RNF19A: variants seen among roughly 807,000 people sequenced by gnomAD.
RNF19A encodes E3 ubiquitin-protein ligase RNF19A.
A neutral mutation model predicts 75.7 loss-of-function variants in RNF19A; 32 were observed. The ratio of observed to expected loss-of-function variants is 0.42; its 90% CI spans 0.32 to 0.57. The LOEUF (loss-of-function observed/expected upper bound fraction) is 0.57, where lower values mean the gene tolerates loss of function less well. Ranked by LOEUF, RNF19A falls within the 20% of genes least tolerant of loss-of-function variation. RNF19A has a pLI of 0.10. For synonymous variants in RNF19A, 335 were observed against 345.2 expected (o/e 0.97, Z 0.33); for missense variants, 782 against 1,036.3 (o/e 0.75, Z 3.37).
chr8:100,288,687 T>C (rs1483541630), intron 1 of RNF19A, among the ~76,000 whole-genome samples: 1 of 152,138 alleles, frequency 6.6e-6, no homozygotes, highest in Non-Finnish European at 1.5e-5. Flanking sequence ...TGACTTCTTA[T>C]AAAGTTACAG....
chr8:100,307,350 A>C (rs1264298162), intron 1 of RNF19A, among the ~76,000 whole-genome samples: 3 of 152,098 alleles, frequency 2.0e-5, no homozygotes, highest in Admixed American at 6.6e-5. Flanking sequence ...GGACTTTTAC[A>C]TGTTATCACA....
chr8:100,277,058 A>C (rs1820556784), intron 2 of RNF19A, among the ~76,000 whole-genome samples: 1 of 152,156 alleles, frequency 6.6e-6, no homozygotes, highest in South Asian at 2.1e-4. Flanking sequence ...TAAAACTTTC[A>C]ATTTAAAAAT....
At chr8:100,277,374 C>T (rs1586626727) in intron 2 of RNF19A, among the ~76,000 whole-genome samples, 2 of 151,996 alleles carry the variant, frequency 1.3e-5, no homozygotes, top group South Asian at 2.1e-4. Context: ...TGCAGTGGCG[C>T]GATCTCGGCT....
In RNF19A at chr8:100,329,145, G is replaced by A. The variant is rs918342774; in HGVS notation, c.-243+6963C>T. ...GTAGCTTACAGACACCAAAGTGTTCGTTCATCCAGAACTGCTGGCACAAAG... is the reference window on the plus strand; with the variant it reads ...GTAGCTTACAGACACCAAAGTGTTCATTCATCCAGAACTGCTGGCACAAAG... On this transcript the variant is annotated intron_variant, in intron 1 of 3. Transcript: ENST00000519527. The surrounding 1 kb of genome is among the most constrained non-coding windows in gnomAD (Gnocchi z 4.3). Among the ~76,000 whole-genome samples the A allele has an allele frequency of 7.2e-5, 11 of 152,140 alleles. No individual in the cohort carries two copies. The highest frequency in any genetic ancestry group is 2.4e-4 in the African/African-American group (10 of 41,402).
intron 2 of RNF19A, among the ~76,000 whole-genome samples, chr8:100,280,296 C>A (rs1820722156): frequency 6.6e-6 from 1 of 152,106 alleles, no homozygotes; most frequent in Non-Finnish European, 1.5e-5. Context: ...ATCCCCCAAA[C>A]TAGCAAATAA....
rs1462240666 is a variant in RNF19A at position 100,323,475 on chromosome 8, T to C, written c.-242-10103A>G. Among the ~76,000 whole-genome samples, 1 of 152,220 alleles carries C rather than the reference T, an allele frequency of 6.6e-6. No homozygotes were observed. Among genetic ancestry groups the C allele is most frequent in the Admixed American group, 6.5e-5 (1 of 15,280 alleles). The stretch of plus-strand genomic sequence containing the variant: ...TTGCAGGATGACCACGTTTCACCCT[T>C]CTTTTCTGCCATCCATTCTTAGAAT... On this transcript the variant is annotated intron_variant, in intron 1 of 3. Coordinates refer to the RNF19A transcript ENST00000519527. The surrounding 1 kb of genome is among the most constrained non-coding windows in gnomAD (Gnocchi z 4.6).
chr8:100,280,002 A>G (rs1400504821), intron 2 of RNF19A, among the ~76,000 whole-genome samples: 1 of 152,104 alleles, frequency 6.6e-6, no homozygotes, highest in Non-Finnish European at 1.5e-5. Context: ...TCAATCTCTT[A>G]AGATAGCTAT....
chr8:100,266,999 C>T (rs1463407399), intron 5 of RNF19A, among the ~76,000 whole-genome samples: 2 of 152,080 alleles, frequency 1.3e-5, no homozygotes, highest in Non-Finnish European at 2.9e-5. Flanking sequence ...CAACCTTATT[C>T]CCAGTCGGGT....
intron 1 of RNF19A, among the ~76,000 whole-genome samples, chr8:100,306,024 T>C (rs1822048902): frequency 6.6e-6 from 1 of 152,236 alleles, no homozygotes; most frequent in Non-Finnish European, 1.5e-5. Flanking sequence ...TTCTTGCTCC[T>C]TCCCTCTAAC....
In RNF19A at chr8:100,275,214, C is replaced by A; in HGVS notation, c.675-53G>T. ...AATGTGACATAAAACAAGAGATACT[C>A]ATTTCAAAAAGTATCCAACTAAAGA... On this transcript the variant is annotated intron_variant, in intron 2 of 9. Transcript: ENST00000341084. The surrounding 1 kb of genome is among the most constrained non-coding windows in gnomAD (Gnocchi z 4.3). The A allele has an allele frequency of 1.3e-6, 2 of 1,494,090 alleles. No homozygotes were observed. Among genetic ancestry groups the A allele is most frequent in the Non-Finnish European group, 1.9e-6 (2 of 1,077,272 alleles). The allele number at this position is 1,494,090 out of a possible 1,614,324, so 92.6% of individuals were successfully genotyped here. A position where few individuals can be genotyped will look rare whatever the true frequency, so the allele number is the denominator to read the frequency against.
chr8:100,269,005 G>A lies in RNF19A; in HGVS notation c.1029-58C>T. On this transcript the variant is annotated intron_variant, in intron 4 of 9. Coordinates refer to ENST00000341084, the MANE Select transcript of RNF19A (RefSeq NM_183419.4). This position sits in a 1 kb window ranked among gnomAD's most constrained non-coding sequence, Gnocchi z 5.7. Reference sequence around the variant, plus strand: ...TGCAAAACACCACAATAACAAATTAGTGCACTATATTAAAACAATGACTAT... The same window carrying A: ...TGCAAAACACCACAATAACAAATTAATGCACTATATTAAAACAATGACTAT... The A allele has an allele frequency of 7.2e-7, 1 of 1,389,112 alleles. No homozygotes were observed. The highest frequency in any genetic ancestry group is 1.4e-5 in the South Asian group (1 of 70,032). 86.0% of individuals were successfully genotyped at this position (1,389,112 alleles called of 1,614,324 possible).
intron 2 of RNF19A, among the ~76,000 whole-genome samples, chr8:100,286,440 T>C (rs1267192417): frequency 6.6e-6 from 1 of 152,240 alleles, no homozygotes; most frequent in Non-Finnish European, 1.5e-5. Context: ...ATTAATTAGG[T>C]AATTTTTGAA....
chr8:100,291,381 C>G (rs1821287093), intron 1 of RNF19A, among the ~76,000 whole-genome samples: 1 of 152,222 alleles, frequency 6.6e-6, no homozygotes, highest in Admixed American at 6.5e-5. Flanking sequence ...TGCTATTACT[C>G]TGTGATCCTT....
chr8:100,279,566 C>T (rs965321777), intron 2 of RNF19A, among the ~76,000 whole-genome samples: 1 of 151,740 alleles, frequency 6.6e-6, no homozygotes, highest in African/African-American at 2.4e-5. Context: ...TTTTTATTTA[C>T]TTTTGAGATG....
intron 5 of RNF19A, 99 bp downstream of exon 5, chr8:100,268,683 TAAA>T (rs34297750): frequency 0.11 from 36,897 of 348,048 alleles, 345 homozygotes; most frequent in African/African-American, 0.17. Flanking sequence ...ACCCTTTGTC[TAAA>T]AAAAAAAAAA....
At chr8:100,335,701 G>A (rs991520774) in intron 1 of RNF19A, among the ~76,000 whole-genome samples, 1 of 152,162 alleles carries the variant, frequency 6.6e-6, no homozygotes, top group African/African-American at 2.4e-5. Context: ...CTGATTCTCT[G>A]GGGCTTTTTA....
At chr8:100,267,985 T>C (rs1292108029) in intron 5 of RNF19A, among the ~76,000 whole-genome samples, 1 of 152,018 alleles carries the variant, frequency 6.6e-6, no homozygotes, top group Non-Finnish European at 1.5e-5. Flanking sequence ...GCCTGTTAGT[T>C]CCCTTTTTGA....
chr8:100,300,154 T>C (rs1257576979), intron 1 of RNF19A, among the ~76,000 whole-genome samples: 4 of 152,188 alleles, frequency 2.6e-5, no homozygotes, highest in Non-Finnish European at 4.4e-5. Flanking sequence ...TTTGGGTATG[T>C]AGTATTCAAA....
At position 100,323,857 on chromosome 8, in the gene RNF19A, A is replaced by G. The variant is rs1822494334; in HGVS notation, c.-242-10485T>C. ...AATAAACATCACAAGTTGTTTGTAA[A>G]ATGACTGTGCCAAACCAACATTCCT... On this transcript the variant is annotated intron_variant, in intron 1 of 3. Transcript: ENST00000519527. This position sits in a 1 kb window ranked among gnomAD's most constrained non-coding sequence, Gnocchi z 4.6. Among the ~76,000 whole-genome samples the G allele has an allele frequency of 6.6e-6, 1 of 152,210 alleles. No homozygotes were observed. The highest frequency in any genetic ancestry group is 1.5e-5 in the Non-Finnish European group (1 of 68,036).
Sources: gnomAD v4.1 joint callset for allele counts (sites outside exome capture counted in the v4.1 genomes callset) on GRCh38, gnomAD v4.1.1 for gene constraint, Gnocchi (gnomAD v3.1) non-coding constraint, MANE v1.5 for transcripts, NCBI Gene and HGNC (gene_info 2026-07-23, HGNC 2026-07-21) for gene names.